The following NCAM2 variants were observed in gnomAD, a reference collection of about 807,000 sequenced individuals.
The protein encoded by NCAM2 is N-CAM-2.
Under a neutral mutation model 98.1 loss-of-function variants are expected in NCAM2, and 30 were observed. That is an observed-to-expected ratio of 0.31 (90% CI 0.23 to 0.41). The LOEUF is 0.41. Ranked by LOEUF, NCAM2 falls within the 10% of genes least tolerant of loss-of-function variation. The pLI is 1.00. For synonymous variants in NCAM2, 368 were observed against 342.4 expected (o/e 1.07, Z -0.83); for missense variants, 867 against 1,005.8 (o/e 0.86, Z 1.87).
chr21:21,445,405 G>T (rs1441516600), intron 12 of NCAM2, among the ~76,000 whole-genome samples: 1 of 152,198 alleles, frequency 6.6e-6, no homozygotes, highest in East Asian at 1.9e-4. Context: ...TTTCTGTCTT[G>T]TTGATTTGTC....
intron 1 of NCAM2, among the ~76,000 whole-genome samples, chr21:21,279,848 C>A (rs75746647): frequency 0.017 from 2,551 of 152,242 alleles, 71 homozygotes; most frequent in African/African-American, 0.058. Flanking sequence ...CATTTGAGCA[C>A]GTGGAAGGTG....
chr21:21,012,868 TATC>T (rs2064235885), intron 1 of NCAM2, among the ~76,000 whole-genome samples: 1 of 152,188 alleles, frequency 6.6e-6, no homozygotes, highest in African/African-American at 2.4e-5. Flanking sequence ...GGTGATCTGT[TATC>T]ATTGATCGTT....
chr21:21,119,132 A>C (rs2066621551), intron 1 of NCAM2, among the ~76,000 whole-genome samples: 1 of 152,152 alleles, frequency 6.6e-6, no homozygotes, highest in Non-Finnish European at 1.5e-5. Flanking sequence ...ATGCATTTGA[A>C]ATTCATTCAG....
chr21:21,030,888 A>C (rs2064668081), intron 1 of NCAM2, among the ~76,000 whole-genome samples: 1 of 152,242 alleles, frequency 6.6e-6, no homozygotes, highest in Non-Finnish European at 1.5e-5. Flanking sequence ...CATACGTTGT[A>C]TGGCAAGGAA....
rs34914462 is a variant in NCAM2 at position 21,527,113 on chromosome 21, A to AT, written c.2283-7408dup. On this transcript the variant is annotated intron_variant, in intron 16 of 17. Coordinates refer to ENST00000400546, the MANE Select transcript of NCAM2 (RefSeq NM_004540.5). ...CAAAAGCACAATCCATGAAAGAAAG[A>AT]TTTTTTTTTTTTTTTTGAGATGGAG... Among the ~76,000 whole-genome samples, 517 of 140,842 alleles carry AT rather than the reference A, an allele frequency of 3.7e-3. 5 individuals are homozygous for AT. Among genetic ancestry groups the AT allele is most frequent in the South Asian group, 0.017 (74 of 4,438 alleles). The allele number at this position is 140,842 out of a possible 152,430, so 92.4% of individuals were successfully genotyped here. A position where few individuals can be genotyped will look rare whatever the true frequency, so the allele number is the denominator to read the frequency against.
chr21:21,219,166 A>AT (rs373140494), intron 1 of NCAM2, among the ~76,000 whole-genome samples: 2,140 of 151,508 alleles, frequency 0.014, 46 homozygotes, highest in African/African-American at 0.049. Context: ...TTTCTTTGCA[A>AT]TTTTTTTTTA....
At chr21:21,431,112 A>G (rs2077331600) in intron 11 of NCAM2, among the ~76,000 whole-genome samples, 1 of 92,216 alleles carries the variant, frequency 1.1e-5, no homozygotes, top group Non-Finnish European at 2.4e-5. Context: ...GCCAAACCAT[A>G]TAATATATGT....
chr21:21,082,225 T>TTTAAAAAAAAAA (rs1555882202), intron 1 of NCAM2, among the ~76,000 whole-genome samples: 17 of 82,916 alleles, frequency 2.1e-4, no homozygotes, highest in African/African-American at 7.1e-4. Context: ...GAGAATCCTT[T>TTTAAAAAAAAAA]AAAAAAAAAA....
At chr21:21,205,088 C>T (rs1253022049) in intron 1 of NCAM2, among the ~76,000 whole-genome samples, 1 of 152,082 alleles carries the variant, frequency 6.6e-6, no homozygotes, top group East Asian at 1.9e-4. Flanking sequence ...GTGACATGTG[C>T]ACACAAGAAA....
chr21:21,303,608 C>T (rs886864032), intron 5 of NCAM2, among the ~76,000 whole-genome samples: 4 of 151,988 alleles, frequency 2.6e-5, no homozygotes, highest in Non-Finnish European at 5.9e-5. Flanking sequence ...GTTTTTATAT[C>T]TCTTGGTTAA....
intron 5 of NCAM2, among the ~76,000 whole-genome samples, chr21:21,311,925 G>C (rs2147723088): frequency 6.6e-6 from 1 of 152,170 alleles, no homozygotes; most frequent in African/African-American, 2.4e-5. Context: ...AGTTTATATT[G>C]TATATAACAA....
At chr21:21,006,190 G>C (rs1453949787) in intron 1 of NCAM2, among the ~76,000 whole-genome samples, 1 of 152,136 alleles carries the variant, frequency 6.6e-6, no homozygotes, top group Admixed American at 6.5e-5. Context: ...ACCAGGGGAT[G>C]ATGTGTTATA....
At chr21:21,266,023 C>T (rs1033993481) in intron 1 of NCAM2, among the ~76,000 whole-genome samples, 1 of 151,866 alleles carries the variant, frequency 6.6e-6, no homozygotes, top group African/African-American at 2.4e-5. Context: ...ATTTTGAAGC[C>T]TATCTAGAAC....
rs2073473956 is a variant in NCAM2 at position 21,296,223 on chromosome 21, CAA to C, written c.619+3985_619+3986del. Reference sequence around the variant, plus strand: ...TTATTGTTTATGGGGTAGCTGGATTCAAAAGCATTTAACAAATGCAGTTTTCC... The same window carrying C: ...TTATTGTTTATGGGGTAGCTGGATTCAAGCATTTAACAAATGCAGTTTTCC... On this transcript the variant is annotated intron_variant, in intron 5 of 17. Coordinates refer to ENST00000400546, the MANE Select transcript of NCAM2 (RefSeq NM_004540.5). Among the ~76,000 whole-genome samples the C allele has an allele frequency of 2.0e-5, 3 of 151,774 alleles. No homozygotes were observed. The South Asian group carries it at 6.2e-4, about 32-fold the overall frequency.
At chr21:21,328,791 G>A (rs1391914547) in intron 6 of NCAM2, among the ~76,000 whole-genome samples, 1 of 151,828 alleles carries the variant, frequency 6.6e-6, no homozygotes, top group East Asian at 1.9e-4. Flanking sequence ...AATGTTTAGT[G>A]TCGCTTAAGT....
intron 1 of NCAM2, among the ~76,000 whole-genome samples, chr21:21,118,585 G>A (rs1042355720): frequency 1.3e-5 from 2 of 152,110 alleles, no homozygotes; most frequent in Non-Finnish European, 2.9e-5. Flanking sequence ...GTTAATTACC[G>A]TAACTCTTAA....
chr21:21,036,101 T>C (rs1351833863), intron 1 of NCAM2, among the ~76,000 whole-genome samples: 1 of 152,200 alleles, frequency 6.6e-6, no homozygotes, highest in East Asian at 1.9e-4. Flanking sequence ...TAGTTTGTAG[T>C]AAAAAGATTG....
intron 5 of NCAM2, among the ~76,000 whole-genome samples, chr21:21,309,754 T>C (rs779266315): frequency 1.2e-4 from 18 of 152,158 alleles, no homozygotes; most frequent in Non-Finnish European, 2.5e-4. Context: ...GAGAGACCTC[T>C]AAACTCCAAC....
intron 1 of NCAM2, among the ~76,000 whole-genome samples, chr21:21,236,208 A>G (rs529029537): frequency 1.6e-4 from 24 of 152,204 alleles, no homozygotes; most frequent in East Asian, 1.5e-3. Flanking sequence ...AAATCCCAAG[A>G]TGTTATCTCT....
Sources: gnomAD v4.1 joint callset for allele counts (sites outside exome capture counted in the v4.1 genomes callset) on GRCh38, gnomAD v4.1.1 for gene constraint, MANE v1.5 for transcripts, NCBI Gene and HGNC (gene_info 2026-07-23, HGNC 2026-07-21) for gene names.